NIT1: variants seen among roughly 807,000 people sequenced by gnomAD.
NIT1 encodes the protein deaminated glutathione amidase.
In NIT1, 30 loss-of-function variants were observed where a neutral mutation model predicts 36.8. That is an observed-to-expected ratio of 0.82 (90% CI 0.61 to 1.11). The LOEUF (loss-of-function observed/expected upper bound fraction) is 1.11, where lower values mean the gene tolerates loss of function less well. Ranked by LOEUF, NIT1 falls within the 50% of genes least tolerant of loss-of-function variation. The probability of loss-of-function intolerance (pLI) is 0.00; values close to 1 mark genes in which losing one functional copy is unlikely to be tolerated. For missense variants in NIT1, 438 were observed against 410.6 expected, an observed-to-expected ratio of 1.07 and a Z score of -0.58; for synonymous variants, 151 against 155.6, an observed-to-expected ratio of 0.97 and a Z score of 0.22.
rs747865914 is a variant in NIT1, at chr1:161,119,270, GCCTGCCTGGCTTT to G, written c.244_256del (p.Ala82ArgfsTer64). 10 of 1,614,122 alleles carry G rather than the reference GCCTGCCTGGCTTT, an allele frequency of 6.2e-6. No homozygotes were observed. Among genetic ancestry groups the G allele is most frequent in the Non-Finnish European group, 6.8e-6 (8 of 1,180,050 alleles). On this transcript the variant is annotated frameshift_variant, in exon 3 of 7. Transcript: ENST00000368009. LOFTEE classifies it high-confidence loss of function. The stretch of plus-strand genomic sequence containing the variant: ...GGTTCGAGAGGCTGCCAGACTGGGT[GCCTGCCTGGCTTT>G]CCTGCCTGAGGCATTTGACTTCATT...
chr1:161,124,904 T>C, downstream of NIT1: 1 of 160,632 alleles, frequency 6.2e-6, no homozygotes, highest in Non-Finnish European at 1.4e-5. Flanking sequence ...AAGATCAGCC[T>C]GGTCAACATA....
intron 1 of NIT1, 160 bp from the exon 2 acceptor site, chr1:161,118,626 G>T: frequency 1.3e-6 from 2 of 1,529,462 alleles, no homozygotes; most frequent in Non-Finnish European, 8.8e-7. Flanking sequence ...GTATGGTCTT[G>T]TCCCTTAGCC....
downstream of NIT1, chr1:161,124,615 G>A (rs1001560087): frequency 1.4e-6 from 2 of 1,420,742 alleles, no homozygotes; most frequent in African/African-American, 1.4e-5. Context: ...AACAATGCCT[G>A]GCACAGTATA....
Position 161,119,329 on chromosome 1 carries a change from G to A in NIT1, c.294G>A (p.Thr98=), listed in dbSNP as rs151133485. The change falls in exon 3 of 7, where the codon ACG becomes ACA. Residue 98 remains threonine (T), a synonymous_variant. Coordinates refer to ENST00000368009, the MANE Select transcript of NIT1 (RefSeq NM_005600.3). ...TCATTGCACGGGACCCTGCAGAGAC[G>A]CTACACCTGTCTGAACCACTGGGTG... ...FDFIARDPAE[T]LHLSEPLGGK... 2.4e-3 allele frequency: 3,922 copies of A among 1,614,198 alleles called. 5 individuals are homozygous for A. Among genetic ancestry groups the A allele is most frequent in the Admixed American group, 3.3e-3 (197 of 60,018 alleles).
chr1:161,123,702 G>A (rs1024700087), downstream of NIT1: 50 of 719,440 alleles, frequency 6.9e-5, no homozygotes, highest in South Asian at 1.9e-4. Flanking sequence ...ATGTCACCTC[G>A]CCTGATTTTT....
chr1:161,121,261 A>G (rs1262340460), downstream of NIT1: 3 of 869,442 alleles, frequency 3.5e-6, no homozygotes, highest in East Asian at 2.4e-4. Context: ...GGGGAAGGAA[A>G]AAGGAATTAC....
chr1:161,118,730 C>G, intron 1 of NIT1, 56 bp from the exon 2 acceptor site: 1 of 1,513,470 alleles, frequency 6.6e-7, no homozygotes, highest in Non-Finnish European at 9.2e-7. Flanking sequence ...TCAGAGAATC[C>G]TAGAAATTTA....
chr1:161,118,560 A>C, intron 1 of NIT1: 1 of 1,536,212 alleles, frequency 6.5e-7, no homozygotes, highest in Non-Finnish European at 8.7e-7. Flanking sequence ...ATGTGAGATC[A>C]TTGGAAGTTG....
chr1:161,119,010 C>T (rs1298769042), intron 2 of NIT1, 124 bp from the exon 3 acceptor site: 7 of 1,383,748 alleles, frequency 5.1e-6, no homozygotes, highest in Non-Finnish European at 7.1e-6. Context: ...CCTGGGTCAA[C>T]GTGCCCTGTA....
downstream of NIT1, chr1:161,123,823 G>C: frequency 6.2e-7 from 1 of 1,600,810 alleles, no homozygotes; most frequent in Non-Finnish European, 8.6e-7. Context: ...AGCAGGGGGA[G>C]TTAATGTCTT....
intron 1 of NIT1, chr1:161,118,539 G>A: frequency 6.5e-7 from 1 of 1,536,194 alleles, no homozygotes; most frequent in Non-Finnish European, 8.7e-7. Flanking sequence ...GAGGAAAGAG[G>A]CTTCAGTTTA....
In NIT1 at chr1:161,120,948, G is replaced by C; in HGVS notation, c.*183G>C. ...AAACTTTCACCTGAGCTTCACCTGA[G>C]GTCAGACTGCAGTTTCAGAAAGGTG... On this transcript the variant is annotated 3_prime_UTR_variant, in exon 7 of 7. Coordinates refer to ENST00000368009, the MANE Select transcript of NIT1 (RefSeq NM_005600.3). 3 of 1,422,516 alleles carry C rather than the reference G, an allele frequency of 2.1e-6. No individual in the cohort carries two copies. Among genetic ancestry groups the C allele is most frequent in the Non-Finnish European group, 2.7e-6 (3 of 1,092,370 alleles). The allele number at this position is 1,422,516 out of a possible 1,614,324, so 88.1% of individuals were successfully genotyped here.
At chr1:161,124,910 A>T, downstream of NIT1, 2 of 161,078 alleles carry the variant, frequency 1.2e-5, no homozygotes, top group Non-Finnish European at 2.7e-5. Context: ...AGCCTGGTCA[A>T]CATAGCAAGA....
downstream of NIT1, chr1:161,123,318 C>T: frequency 8.2e-7 from 1 of 1,212,844 alleles, no homozygotes; most frequent in East Asian, 2.5e-5. Flanking sequence ...AGACTTAGCA[C>T]TAAAAGCAGT....
chr1:161,122,023 T>TAAA, downstream of NIT1: 1 of 1,162,868 alleles, frequency 8.6e-7, no homozygotes, highest in Non-Finnish European at 1.2e-6. The surrounding 1 kb of genome is among the most constrained non-coding windows in gnomAD (Gnocchi z 4.2). Context: ...GTCTTTTTCT[T>TAAA]TAAAAAAAAA....
At chr1:161,124,116 C>A (rs1194174650), downstream of NIT1, 1 of 1,600,350 alleles carries the variant, frequency 6.2e-7, no homozygotes, top group African/African-American at 1.3e-5. Flanking sequence ...TTCCCTGATT[C>A]CAGCCCCTAA....
chr1:161,119,094 G>A, intron 2 of NIT1, 40 bp from the exon 3 acceptor site: 1 of 1,607,686 alleles, frequency 6.2e-7, no homozygotes, highest in Non-Finnish European at 8.5e-7. Context: ...TTGCTTCCCT[G>A]TGCTATGAAA....
downstream of NIT1, chr1:161,123,707 A>AT (rs112931699): frequency 0.095 from 56,750 of 594,464 alleles, 1 homozygote; most frequent in East Asian, 0.11. Flanking sequence ...ACCTCGCCTG[A>AT]TTTTTTTTTT....
downstream of NIT1, chr1:161,122,011 TTG>T: frequency 8.2e-7 from 1 of 1,221,238 alleles, no homozygotes; most frequent in Non-Finnish European, 1.1e-6. The surrounding 1 kb of genome is among the most constrained non-coding windows in gnomAD (Gnocchi z 4.2). Flanking sequence ...CCACTTTCTT[TTG>T]TCTTTTTCTT....
Sources: gnomAD v4.1 joint callset for allele counts on GRCh38, gnomAD v4.1.1 for gene constraint, Gnocchi (gnomAD v3.1) non-coding constraint, MANE v1.5 for transcripts, NCBI Gene and HGNC (gene_info 2026-07-23, HGNC 2026-07-21) for gene names.